The following ADGRL3 variants were observed in gnomAD, a reference collection of about 807,000 sequenced individuals.
ADGRL3 encodes adhesion G protein-coupled receptor L3, also known as calcium-independent alpha-latrotoxin receptor 3.
In ADGRL3, 62 loss-of-function variants were observed where a neutral mutation model predicts 153.5. The observed-to-expected ratio is 0.40, with a 90% CI of 0.33 to 0.50. The LOEUF is 0.50. Among genes scored for constraint, ADGRL3 ranks in the 20% least tolerant of loss-of-function variants. The pLI is 0.47. For synonymous variants in ADGRL3, 710 were observed against 672.5 expected (o/e 1.06, Z -0.86); for missense variants, 1,641 against 1,859.4 (o/e 0.88, Z 2.16).
chr4:61,805,912 C>T (rs749210776), intron 8 of ADGRL3, among the ~76,000 whole-genome samples: 3 of 152,130 alleles, frequency 2.0e-5, no homozygotes, highest in African/African-American at 4.8e-5. Flanking sequence ...GAGTTAACAT[C>T]GTTATCAAAT....
intron 13 of ADGRL3, among the ~76,000 whole-genome samples, chr4:61,930,188 A>T (rs2098811997): frequency 6.6e-6 from 1 of 152,016 alleles, no homozygotes; most frequent in Non-Finnish European, 1.5e-5. Flanking sequence ...AAAAAAAAAA[A>T]AAAAATGCCA....
chr4:61,222,569 A>T (rs377518603), intron 1 of ADGRL3, among the ~76,000 whole-genome samples: 1 of 152,194 alleles, frequency 6.6e-6, no homozygotes, highest in African/African-American at 2.4e-5. Context: ...CTAACAAAAC[A>T]AAACAAAATA....
chr4:61,548,929 A>C (rs1232374065), intron 4 of ADGRL3, among the ~76,000 whole-genome samples: 3 of 152,110 alleles, frequency 2.0e-5, no homozygotes, highest in African/African-American at 4.8e-5. Flanking sequence ...GATTTGGGCA[A>C]TATGGGTGTT....
intron 2 of ADGRL3, among the ~76,000 whole-genome samples, chr4:61,392,135 C>CT (rs1259287788): frequency 6.6e-6 from 1 of 151,116 alleles, no homozygotes; most frequent in Non-Finnish European, 1.5e-5. Flanking sequence ...TCCCAAAGTG[C>CT]TGGGATTACA....
intron 1 of ADGRL3, among the ~76,000 whole-genome samples, chr4:61,380,165 A>G (rs1268134798): frequency 2.0e-5 from 3 of 152,032 alleles, no homozygotes; most frequent in South Asian, 2.1e-4. Context: ...GTGTATGTAT[A>G]TGTATATGTA....
At chr4:61,402,899 A>G (rs1485830717) in intron 2 of ADGRL3, among the ~76,000 whole-genome samples, 3 of 152,024 alleles carry the variant, frequency 2.0e-5, no homozygotes, top group African/African-American at 4.8e-5. Context: ...CCTTAACAAA[A>G]TGCCATTGTT....
At chr4:61,781,805 C>T (rs750678402) in intron 8 of ADGRL3, among the ~76,000 whole-genome samples, 1 of 152,104 alleles carries the variant, frequency 6.6e-6, no homozygotes, top group South Asian at 2.1e-4. Flanking sequence ...AATATGAATC[C>T]GTTTCTTGTT....
Position 61,733,574 on chromosome 4 carries a change from G to A in ADGRL3, c.1399+20G>A. The A allele has an allele frequency of 4.0e-6, 6 of 1,493,286 alleles. No homozygotes were observed. Among genetic ancestry groups the A allele is most frequent in the Non-Finnish European group, 3.7e-6 (4 of 1,083,582 alleles). 92.5% of individuals were successfully genotyped at this position (1,493,286 alleles called of 1,614,324 possible). ...GATCAGGTAAGTTCAACCTTTTGTG[G>A]TACTCTTTGGGGAAATATTTACTGT... On this transcript the variant is annotated intron_variant, in intron 8 of 26. Transcript: ENST00000683033.
At chr4:61,685,356 G>A (rs945259122) in intron 6 of ADGRL3, among the ~76,000 whole-genome samples, 14 of 152,012 alleles carry the variant, frequency 9.2e-5, no homozygotes, top group African/African-American at 2.9e-4. Context: ...CCACGGGTAA[G>A]GCAAATAATG....
chr4:61,283,179 A>C (rs1001925996), intron 1 of ADGRL3, among the ~76,000 whole-genome samples: 1 of 152,092 alleles, frequency 6.6e-6, no homozygotes, highest in African/African-American at 2.4e-5. Context: ...GGCCATGAAT[A>C]ATTGTATTAC....
intron 8 of ADGRL3, among the ~76,000 whole-genome samples, chr4:61,757,023 A>C (rs901595021): frequency 1.3e-5 from 2 of 152,202 alleles, no homozygotes; most frequent in Non-Finnish European, 1.5e-5. Context: ...TCGGTTTGCC[A>C]GAATTTTATT....
intron 1 of ADGRL3, among the ~76,000 whole-genome samples, chr4:61,322,005 C>T (rs1370747573): frequency 6.6e-6 from 1 of 152,120 alleles, no homozygotes; most frequent in Non-Finnish European, 1.5e-5. Context: ...AAAGACATAC[C>T]TGAGACTGGG....
At chr4:61,698,766 A>C (rs1389604226) in intron 6 of ADGRL3, among the ~76,000 whole-genome samples, 2 of 152,238 alleles carry the variant, frequency 1.3e-5, no homozygotes, top group Non-Finnish European at 1.5e-5. Context: ...TTGCAGCCAC[A>C]GCTTATAAAC....
intron 1 of ADGRL3, among the ~76,000 whole-genome samples, chr4:61,271,476 G>A (rs1468418296): frequency 1.3e-5 from 2 of 151,928 alleles, no homozygotes; most frequent in South Asian, 2.1e-4. Context: ...ACACATCAAT[G>A]TGAAGTAGTT....
chr4:61,418,111 C>T (rs1274832076), intron 2 of ADGRL3, among the ~76,000 whole-genome samples: 5 of 152,092 alleles, frequency 3.3e-5, no homozygotes, highest in South Asian at 2.1e-4. Context: ...TCGGTGCTCT[C>T]GCTAGAGAAA....
At chr4:61,392,391 A>G (rs904141232) in intron 2 of ADGRL3, among the ~76,000 whole-genome samples, 1 of 151,746 alleles carries the variant, frequency 6.6e-6, no homozygotes, top group Admixed American at 6.6e-5. Context: ...TTTTACATAG[A>G]AAAGAGTCTC....
chr4:61,414,495 C>T (rs1443963111), intron 2 of ADGRL3, among the ~76,000 whole-genome samples: 2 of 152,008 alleles, frequency 1.3e-5, no homozygotes, highest in Admixed American at 6.6e-5. Context: ...TTATTCTTCT[C>T]CTCTGGTAAA....
At chr4:61,372,860 G>A (rs1391135136) in intron 1 of ADGRL3, among the ~76,000 whole-genome samples, 1 of 152,182 alleles carries the variant, frequency 6.6e-6, no homozygotes, top group Non-Finnish European at 1.5e-5. Context: ...ATCTCAGACT[G>A]CTGTGCTAGC....
At chr4:61,295,748 T>C (rs1171344730) in intron 1 of ADGRL3, among the ~76,000 whole-genome samples, 1 of 150,794 alleles carries the variant, frequency 6.6e-6, no homozygotes, top group Non-Finnish European at 1.5e-5. Context: ...CACTTGAGCC[T>C]AGGAGTTTGA....
Sources: allele counts gnomAD v4.1 joint callset (sites outside exome capture counted in the v4.1 genomes callset), GRCh38; gene constraint gnomAD v4.1.1; transcripts MANE v1.5; gene names NCBI Gene and HGNC (gene_info 2026-07-23, HGNC 2026-07-21).